The following CCDC7 variants were observed in gnomAD, a reference collection of about 807,000 sequenced individuals.
CCDC7 encodes coiled-coil domain containing 7.
In CCDC7, 183 loss-of-function variants were observed where a neutral mutation model predicts 196.9. The observed-to-expected ratio is 0.93, with a 90% CI of 0.82 to 1.05. The LOEUF (loss-of-function observed/expected upper bound fraction) is 1.05. CCDC7 is among the 50% of genes least tolerant of loss of function. The pLI is 0.00. For synonymous variants in CCDC7, 525 were observed against 484.6 expected (o/e 1.08, Z -1.10); for missense variants, 1,540 against 1,482.2 (o/e 1.04, Z -0.64).
At chr10:32,610,055 T>A (rs2061939108) in intron 18 of CCDC7, among the ~76,000 whole-genome samples, 1 of 151,760 alleles carries the variant, frequency 6.6e-6, no homozygotes, top group Non-Finnish European at 1.5e-5. Flanking sequence ...TGTGTGTGTG[T>A]GATTTGTAAA....
At position 32,863,723 on chromosome 10, in the gene CCDC7, A is replaced by G. The variant is rs980769995; in HGVS notation, c.4111+9234A>G. Among the ~76,000 whole-genome samples the G allele has an allele frequency of 1.3e-4, 19 of 151,920 alleles. No homozygotes were observed. In the East Asian group the frequency reaches 2.3e-3, roughly 19 times the overall value. On this transcript the variant is annotated intron_variant, in intron 41 of 41. Coordinates refer to ENST00000639629, the Ensembl canonical transcript of CCDC7. ...ATGCAAAAAATATAATTGAACTTTT[A>G]TCTTACACCATACACAAAAATCAAC...
intron 25 of CCDC7, among the ~76,000 whole-genome samples, chr10:32,717,324 T>C (rs919513050): frequency 1.3e-5 from 2 of 152,204 alleles, no homozygotes; most frequent in African/African-American, 4.8e-5. Context: ...GTGAATTCTT[T>C]GAAACCAATG....
chr10:32,819,397 C>A (rs2089650574), intron 31 of CCDC7, among the ~76,000 whole-genome samples: 1 of 152,214 alleles, frequency 6.6e-6, no homozygotes, highest in Non-Finnish European at 1.5e-5. Flanking sequence ...AAAGGTGGAG[C>A]TGTTATGATT....
At chr10:32,494,757 G>GA in intron 9 of CCDC7, among the ~76,000 whole-genome samples, 1 of 70,164 alleles carries the variant, frequency 1.4e-5, no homozygotes, top group Non-Finnish European at 5.8e-5. Context: ...AGTATTCCAT[G>GA]GTGTATATGT....
intron 28 of CCDC7, among the ~76,000 whole-genome samples, chr10:32,738,570 G>T (rs974227437): frequency 2.0e-5 from 3 of 148,190 alleles, no homozygotes; most frequent in African/African-American, 7.5e-5. Flanking sequence ...GACCTCCTGG[G>T]CTCAAGTGAT....
intron 16 of CCDC7, chr10:32,574,387 C>T: frequency 6.6e-7 from 1 of 1,525,298 alleles, no homozygotes; most frequent in African/African-American, 1.4e-5. Flanking sequence ...AAGCACATGG[C>T]ACAATATTAT....
intron 18 of CCDC7, among the ~76,000 whole-genome samples, chr10:32,595,096 A>G (rs934100828): frequency 8.6e-5 from 13 of 152,026 alleles, no homozygotes; most frequent in Non-Finnish European, 1.9e-4. Context: ...CTCTTTTTCT[A>G]TTGATTGGAA....
intron 24 of CCDC7, among the ~76,000 whole-genome samples, chr10:32,710,449 C>T (rs2080636054): frequency 6.6e-6 from 1 of 152,214 alleles, no homozygotes; most frequent in African/African-American, 2.4e-5. Flanking sequence ...GCTTCTCTAG[C>T]TTTCTCAGAG....
At chr10:32,702,277 A>AT (rs2078890183) in intron 24 of CCDC7, among the ~76,000 whole-genome samples, 1 of 151,890 alleles carries the variant, frequency 6.6e-6, no homozygotes, top group African/African-American at 2.4e-5. Context: ...TTCGTTGTGT[A>AT]CCTAGTAGTC....
intron 21 of CCDC7, among the ~76,000 whole-genome samples, chr10:32,679,885 T>TCGCATATTTTTTACTTTTGG (rs1162369771): frequency 1.3e-5 from 2 of 152,226 alleles, no homozygotes; most frequent in Non-Finnish European, 2.9e-5. Context: ...AAACTGATCC[T>TCGCATATTTTTTACTTTTGG]AATCATCTCT....
At chr10:32,697,897 A>G (rs2077993245) in intron 24 of CCDC7, among the ~76,000 whole-genome samples, 1 of 152,208 alleles carries the variant, frequency 6.6e-6, no homozygotes, top group Non-Finnish European at 1.5e-5. Flanking sequence ...ACCCCCCAGT[A>G]GGCTAACTGG....
intron 14 of CCDC7, 150 bp downstream of exon 15, chr10:32,565,770 TA>T (rs374050986): frequency 4.7e-4 from 295 of 626,110 alleles, no homozygotes; most frequent in East Asian, 3.7e-3. Context: ...TTTTATGCAT[TA>T]GGGGTATATT....
intron 21 of CCDC7, 94 bp downstream of exon 22, chr10:32,664,255 G>A (rs2072158495): frequency 2.7e-6 from 1 of 373,440 alleles, no homozygotes; most frequent in Admixed American, 4.5e-5. Context: ...GTACTACATA[G>A]TGTTTTAATA....
chr10:32,524,843 C>T (rs1301818306), intron 11 of CCDC7, among the ~76,000 whole-genome samples: 3 of 152,068 alleles, frequency 2.0e-5, no homozygotes, highest in African/African-American at 4.8e-5. Context: ...CTGATTGTTA[C>T]GTACCTTGAG....
At chr10:32,606,572 T>C (rs2061579095) in intron 18 of CCDC7, among the ~76,000 whole-genome samples, 1 of 152,204 alleles carries the variant, frequency 6.6e-6, no homozygotes, top group Admixed American at 6.5e-5. Context: ...GGAGCCCACC[T>C]CTTGTACCAG....
intron 3 of CCDC7, among the ~76,000 whole-genome samples, chr10:32,461,044 G>T (rs907514422): frequency 5.9e-5 from 9 of 152,078 alleles, no homozygotes; most frequent in Non-Finnish European, 1.2e-4. Context: ...CTTTAATAAT[G>T]TAATTGAAAA....
intron 28 of CCDC7, among the ~76,000 whole-genome samples, chr10:32,767,584 C>T (rs1243798568): frequency 6.6e-6 from 1 of 151,884 alleles, no homozygotes; most frequent in East Asian, 1.9e-4. Flanking sequence ...TCAAATTGAA[C>T]AACTATCCAT....
At chr10:32,448,736 T>A (rs926540175), upstream of CCDC7, among the ~76,000 whole-genome samples, 1 of 152,092 alleles carries the variant, frequency 6.6e-6, no homozygotes, top group African/African-American at 2.4e-5. Flanking sequence ...AGATACTGCT[T>A]CTCCAAAAAT....
rs531042477 is a variant in CCDC7, at chr10:32,667,784, G to A, written c.2122+3623G>A. Among the ~76,000 whole-genome samples the A allele has an allele frequency of 5.3e-4, 81 of 152,258 alleles. 1 individual carries two copies. The highest frequency in any genetic ancestry group is 6.2e-4 in the South Asian group (3 of 4,830). ...TTGGTTACTGCAGCCTTGTAGTATA[G>A]TTTGAAGTCAGGTAGCGTGATGCCT... On this transcript the variant is annotated intron_variant, in intron 21 of 41. Transcript: ENST00000639629.
Sources: allele counts gnomAD v4.1 joint callset (sites outside exome capture counted in the v4.1 genomes callset), GRCh38; gene constraint gnomAD v4.1.1; transcripts MANE v1.5; gene names NCBI Gene and HGNC (gene_info 2026-07-23, HGNC 2026-07-21).